UNC5D: variants seen among roughly 807,000 people sequenced by gnomAD.
UNC5D encodes unc-5 netrin receptor D.
In UNC5D, 39 loss-of-function variants were observed where a neutral mutation model predicts 105.4. The observed-to-expected ratio is 0.37, with a 90% CI of 0.29 to 0.48. The LOEUF (loss-of-function observed/expected upper bound fraction) is 0.48. Among genes scored for constraint, UNC5D ranks in the 20% least tolerant of loss-of-function variants. The probability of loss-of-function intolerance (pLI) is 0.98; values close to 1 mark genes in which losing one functional copy is unlikely to be tolerated. For synonymous variants in UNC5D, 452 were observed against 450.4 expected (o/e 1.00, Z -0.04); for missense variants, 991 against 1,202.4 (o/e 0.82, Z 2.60).
intron 2 of UNC5D, among the ~76,000 whole-genome samples, chr8:35,553,660 T>C (rs1305539797): frequency 1.3e-5 from 2 of 152,168 alleles, no homozygotes; most frequent in Non-Finnish European, 2.9e-5. Flanking sequence ...TCTGTATTAA[T>C]AGTAGAATTG....
At chr8:35,525,416 G>A (rs1021229618) in intron 1 of UNC5D, 64 of 1,612,068 alleles carry the variant, frequency 4.0e-5, no homozygotes, top group Non-Finnish European at 5.3e-5. Context: ...TGGTCTGGAA[G>A]AGCTGCTGGC....
chr8:35,604,034 C>G (rs1362212819), intron 4 of UNC5D, among the ~76,000 whole-genome samples: 6 of 152,098 alleles, frequency 3.9e-5, no homozygotes, highest in African/African-American at 4.8e-5. Context: ...GAGCATTTAA[C>G]CCATTTACAT....
intron 1 of UNC5D, among the ~76,000 whole-genome samples, chr8:35,530,066 G>A (rs2130534332): frequency 1.3e-5 from 2 of 151,332 alleles, no homozygotes; most frequent in South Asian, 4.2e-4. Flanking sequence ...GCCCTGGCCA[G>A]AACTTCCAAC....
intron 1 of UNC5D, among the ~76,000 whole-genome samples, chr8:35,422,268 C>T (rs548944466): frequency 5.3e-5 from 8 of 152,290 alleles, no homozygotes; most frequent in East Asian, 3.9e-4. Flanking sequence ...CACCAAAGAA[C>T]GTGCTAATAA....
chr8:35,554,228 C>G (rs370010714), intron 2 of UNC5D, among the ~76,000 whole-genome samples: 2 of 152,114 alleles, frequency 1.3e-5, no homozygotes, highest in African/African-American at 4.8e-5. Context: ...TCTAACAGTT[C>G]AAATAAGAAA....
chr8:35,263,615 G>A (rs911460008), intron 1 of UNC5D, among the ~76,000 whole-genome samples: 1 of 152,132 alleles, frequency 6.6e-6, no homozygotes, highest in African/African-American at 2.4e-5. Context: ...TAATAATGAA[G>A]CCACACATCT....
intron 1 of UNC5D, among the ~76,000 whole-genome samples, chr8:35,409,729 C>A (rs1805036350): frequency 6.6e-6 from 1 of 151,880 alleles, no homozygotes; most frequent in African/African-American, 2.4e-5. Context: ...TTTTGCAGAG[C>A]AAAAGTTCTT....
At chr8:35,586,380 G>A (rs1818794567) in intron 3 of UNC5D, among the ~76,000 whole-genome samples, 1 of 152,122 alleles carries the variant, frequency 6.6e-6, no homozygotes, top group South Asian at 2.1e-4. Context: ...CTATCACAAT[G>A]AGGAAAAAAT....
At chr8:35,406,483 A>G (rs1804808215) in intron 1 of UNC5D, among the ~76,000 whole-genome samples, 1 of 152,178 alleles carries the variant, frequency 6.6e-6, no homozygotes, top group South Asian at 2.1e-4. Context: ...CCAAGATGGT[A>G]CTTTAATCTC....
At chr8:35,497,636 A>G (rs1428569589) in intron 1 of UNC5D, among the ~76,000 whole-genome samples, 1 of 150,182 alleles carries the variant, frequency 6.7e-6, no homozygotes, top group Non-Finnish European at 1.5e-5. Context: ...TGGTAATGGA[A>G]GCATGGAGCA....
rs79182670 is a variant in UNC5D at position 35,552,458 on chromosome 8, A to C, written c.322+2948A>C. ...ACATGGCTCATCATTTTCCATTATG[A>C]ATCTATTTAGGGTTTCAGTCACCCA... On this transcript the variant is annotated intron_variant, in intron 2 of 16. Transcript: ENST00000404895. Among the ~76,000 whole-genome samples, 1,315 of 152,322 alleles carry C rather than the reference A, an allele frequency of 8.6e-3. 33 individuals carry two copies. The highest frequency in any genetic ancestry group is 0.03 in the African/African-American group (1,264 of 41,560).
At chr8:35,408,135 T>C (rs899138239) in intron 1 of UNC5D, among the ~76,000 whole-genome samples, 47 of 152,142 alleles carry the variant, frequency 3.1e-4, no homozygotes, top group African/African-American at 9.4e-4. Flanking sequence ...ATAGGCACTT[T>C]TATGAAAATA....
At chr8:35,356,520 G>A (rs1789611233) in intron 1 of UNC5D, among the ~76,000 whole-genome samples, 2 of 152,060 alleles carry the variant, frequency 1.3e-5, no homozygotes, top group African/African-American at 4.8e-5. Flanking sequence ...TCATATTTCA[G>A]TTTGAGGTAT....
At position 35,310,103 on chromosome 8, in the gene UNC5D, T is replaced by G. The variant is rs553893377; in HGVS notation, c.103+74216T>G. ...TTTAGACACATTATTCAAATACCCT[T>G]GAAAGTTTCTAGTGTCTCTTTAAAA... On this transcript the variant is annotated intron_variant, in intron 1 of 16. Coordinates refer to ENST00000404895, the MANE Select transcript of UNC5D (RefSeq NM_080872.4). 3.3e-5 allele frequency among the ~76,000 whole-genome samples: 5 copies of G among 152,322 alleles called. No homozygotes were observed. The South Asian group carries it at 1.0e-3, about 32-fold the overall frequency.
intron 1 of UNC5D, among the ~76,000 whole-genome samples, chr8:35,377,738 G>A (rs1019231912): frequency 2.6e-5 from 4 of 152,276 alleles, no homozygotes; most frequent in Admixed American, 2.0e-4. Context: ...CTGGATCCCT[G>A]TGACATCTTA....
At chr8:35,561,742 C>T (rs929102321) in intron 2 of UNC5D, among the ~76,000 whole-genome samples, 1 of 151,964 alleles carries the variant, frequency 6.6e-6, no homozygotes, top group Non-Finnish European at 1.5e-5. Flanking sequence ...TTAGCTTGAA[C>T]CTATTCCTTT....
intron 1 of UNC5D, among the ~76,000 whole-genome samples, chr8:35,264,729 C>CAAAAAAAAA (rs6150548): frequency 1.4e-5 from 2 of 142,562 alleles, no homozygotes; most frequent in Admixed American, 6.9e-5. Flanking sequence ...GACTCTGTCT[C>CAAAAAAAAA]AAAAAAAAAA....
Position 35,401,069 on chromosome 8 carries a change from A to T in UNC5D, c.104-148223A>T, listed in dbSNP as rs185732664. Among the ~76,000 whole-genome samples the T allele has an allele frequency of 2.0e-3, 305 of 152,320 alleles. 1 individual carries two copies. The highest frequency in any genetic ancestry group is 3.4e-3 in the Non-Finnish European group (233 of 68,036). On this transcript the variant is annotated intron_variant, in intron 1 of 16. Coordinates refer to ENST00000404895, the MANE Select transcript of UNC5D (RefSeq NM_080872.4). ...AACATTATATAATTATAGCAATGACAGCCTAGAGTAACTATAGTCCTCTTA... is the reference window on the plus strand; with the variant it reads ...AACATTATATAATTATAGCAATGACTGCCTAGAGTAACTATAGTCCTCTTA...
At chr8:35,563,186 T>C (rs1459307895) in intron 2 of UNC5D, among the ~76,000 whole-genome samples, 1 of 151,914 alleles carries the variant, frequency 6.6e-6, no homozygotes, top group African/African-American at 2.4e-5. Context: ...AATCTGTACA[T>C]TGCTTTGTGT....
Sources: allele counts gnomAD v4.1 joint callset (sites outside exome capture counted in the v4.1 genomes callset), GRCh38; gene constraint gnomAD v4.1.1; transcripts MANE v1.5; gene names NCBI Gene and HGNC (gene_info 2026-07-23, HGNC 2026-07-21).